RASIP1: variants seen among roughly 807,000 people sequenced by gnomAD.
The protein encoded by RASIP1 is ras-interacting protein 1.
RASIP1 carries 20 observed loss-of-function variants against 85.3 expected under a neutral mutation model. That is an observed-to-expected ratio of 0.23 (90% CI 0.17 to 0.34). The LOEUF is 0.34. RASIP1 is among the 10% of genes least tolerant of loss of function. The pLI is 1.00. For missense variants in RASIP1, 1,170 were observed against 1,390.9 expected, an observed-to-expected ratio of 0.84 and a Z score of 2.53; for synonymous variants, 617 against 647.1, an observed-to-expected ratio of 0.95 and a Z score of 0.71.
At position 48,739,396 on chromosome 19, in the gene RASIP1, C is replaced by A; in HGVS notation, c.387G>T (p.Ala129=). The A allele has an allele frequency of 7.4e-7, 1 of 1,352,042 alleles. No homozygotes were observed. Among genetic ancestry groups the A allele is most frequent in the South Asian group, 1.8e-5 (1 of 56,092 alleles). The allele number at this position is 1,352,042 out of a possible 1,614,324, so 83.8% of individuals were successfully genotyped here. The change falls in exon 3 of 12, where the codon GCG becomes GCT. Residue 129 remains alanine, a synonymous_variant. Transcript: ENST00000222145. This position sits in a 1 kb window ranked among gnomAD's most constrained non-coding sequence, Gnocchi z 9.2. ...CCAGCGGGGGCTCGGGGGCCACGCC[C>A]GCCGCCAGCTCCGGCAGCTTCTTCT... The part of the protein sequence containing the change: ...ASEKKLPELA[A]GVAPEPPLAT...
At chr19:48,726,925 A>G (rs1476827859) in intron 7 of RASIP1, 37 bp from the exon 8 acceptor site, 3 of 1,609,440 alleles carry the variant, frequency 1.9e-6, no homozygotes, top group Non-Finnish European at 8.5e-7. Flanking sequence ...GAGAACCAGA[A>G]GTCGGCAGCC....
chr19:48,738,897 C>T lies in RASIP1; in HGVS notation c.823+63G>A. The T allele has an allele frequency of 8.5e-7, 1 of 1,170,430 alleles. No homozygotes were observed. The highest frequency in any genetic ancestry group is 3.6e-5 in the East Asian group (1 of 27,444). 72.5% of individuals were successfully genotyped at this position (1,170,430 alleles called of 1,614,324 possible). On this transcript the variant is annotated intron_variant, in intron 3 of 11. Coordinates refer to ENST00000222145, the MANE Select transcript of RASIP1 (RefSeq NM_017805.3). This position sits in a 1 kb window ranked among gnomAD's most constrained non-coding sequence, Gnocchi z 4.0. ...AGTCCCACAAGCCCCGCCCAGGCCC[C>T]GCCCCACGGACCCCGCCTCTCTGGC...
Position 48,740,403 on chromosome 19 carries a change from A to G in RASIP1, c.-4-117T>C. 1 of 1,422,972 alleles carries G rather than the reference A, an allele frequency of 7.0e-7. No homozygotes were observed. Among genetic ancestry groups the G allele is most frequent in the Non-Finnish European group, 9.3e-7 (1 of 1,078,154 alleles). The allele number at this position is 1,422,972 out of a possible 1,614,324, so 88.1% of individuals were successfully genotyped here. ...GGCTGGGGCTCAGACTTGCGAGTCCAGGGGGAGGAGAGGGATGGTACCCTG... is the reference window on the plus strand; with the variant it reads ...GGCTGGGGCTCAGACTTGCGAGTCCGGGGGGAGGAGAGGGATGGTACCCTG... On this transcript the variant is annotated intron_variant, in intron 1 of 11. Coordinates refer to ENST00000222145, the MANE Select transcript of RASIP1 (RefSeq NM_017805.3). This position sits in a 1 kb window ranked among gnomAD's most constrained non-coding sequence, Gnocchi z 5.5.
Position 48,738,801 on chromosome 19 carries a change from TA to T in RASIP1, c.823+158del. On this transcript the variant is annotated intron_variant, in intron 3 of 11. Transcript: ENST00000222145. This position sits in a 1 kb window ranked among gnomAD's most constrained non-coding sequence, Gnocchi z 4.0. ...CCCCCGGCCCTGCTCTAGCTCTGCC[TA>T]GAGTCCAACACGCACCGTCCAGTCC... 1 of 946,184 alleles carries T rather than the reference TA, an allele frequency of 1.1e-6. No individual in the cohort carries two copies. Among genetic ancestry groups the T allele is most frequent in the Non-Finnish European group, 1.3e-6 (1 of 743,512 alleles). 58.6% of individuals were successfully genotyped at this position (946,184 alleles called of 1,614,324 possible).
At chr19:48,736,868 T>C (rs1194904513) in intron 3 of RASIP1, among the ~76,000 whole-genome samples, 1 of 152,018 alleles carries the variant, frequency 6.6e-6, no homozygotes, top group Non-Finnish European at 1.5e-5. Context: ...AACCCCCATC[T>C]CTACTCAAAA....
In RASIP1 at chr19:48,728,947, T is replaced by C; in HGVS notation, c.1823A>G (p.Glu608Gly). 1 of 1,450,338 alleles carries C rather than the reference T, an allele frequency of 6.9e-7. No homozygotes were observed. The highest frequency in any genetic ancestry group is 9.0e-7 in the Non-Finnish European group (1 of 1,112,154). 89.8% of individuals were successfully genotyped at this position (1,450,338 alleles called of 1,614,324 possible). A position where few individuals can be genotyped will look rare whatever the true frequency, so the allele number is the denominator to read the frequency against. Reference protein sequence around the residue: ...LLGRLARLIKEAVWEKIKEIG... With the variant: ...LLGRLARLIKGAVWEKIKEIG... The stretch of plus-strand genomic sequence containing the variant: ...TTGGGGGGCGCTCACCCAGACGGCC[T>C]CCTTGATGAGCCGGGCCAGGCGGCC... The change falls in exon 5 of 12, where the codon GAG becomes GGG. Residue 608 changes from glutamate to glycine, a missense_variant. Physicochemically the swap from Glu to Gly is moderately conservative, Grantham distance 98 (BLOSUM62 -2). This residue lies in a region of RASIP1 where 426 missense variants were observed against 576.2 expected (regional missense o/e 0.74). Transcript: ENST00000222145.
In RASIP1 at chr19:48,728,929, G is replaced by T; in HGVS notation, c.1833+8C>A. On this transcript the variant is annotated splice_region_variant and intron_variant, in intron 5 of 11. Transcript: ENST00000222145. ...GGTGGGGCTGGACGGCGATTGGGGG[G>T]CGCTCACCCAGACGGCCTCCTTGAT... The T allele has an allele frequency of 6.9e-7, 1 of 1,439,810 alleles. No individual in the cohort carries two copies. Among genetic ancestry groups the T allele is most frequent in the Non-Finnish European group, 9.0e-7 (1 of 1,107,192 alleles). 89.2% of individuals were successfully genotyped at this position (1,439,810 alleles called of 1,614,324 possible).
Position 48,737,546 on chromosome 19 carries a change from A to C in RASIP1, c.823+1414T>G, listed in dbSNP as rs868698955. 4.0e-5 allele frequency: 39 copies of C among 985,120 alleles called. No homozygotes were observed. The African/African-American group carries it at 5.6e-4, about 14-fold the overall frequency. 61.0% of individuals were successfully genotyped at this position (985,120 alleles called of 1,614,324 possible). A position where few individuals can be genotyped will look rare whatever the true frequency, so the allele number is the denominator to read the frequency against. ...TCCCACTTGGCAGCCAACCCAGCCTAAGGCCGTCTTATCCAAGGCCGGCCC... is the reference window on the plus strand; with the variant it reads ...TCCCACTTGGCAGCCAACCCAGCCTCAGGCCGTCTTATCCAAGGCCGGCCC... On this transcript the variant is annotated intron_variant, in intron 3 of 11. Coordinates refer to ENST00000222145, the MANE Select transcript of RASIP1 (RefSeq NM_017805.3).
rs2033313301 is a variant in RASIP1 at position 48,724,808 on chromosome 19, C to G, written c.2280G>C (p.Gln760His). The change falls in exon 9 of 12, where the codon CAG (glutamine) becomes CAC (histidine). Residue 760 changes from glutamine to histidine, a missense_variant. Gln to His is a conservative substitution (Grantham distance 24). This residue lies in a region of RASIP1 where 426 missense variants were observed against 576.2 expected (regional missense o/e 0.74). Coordinates refer to ENST00000222145, the MANE Select transcript of RASIP1 (RefSeq NM_017805.3). The surrounding 1 kb of genome is among the most constrained non-coding windows in gnomAD (Gnocchi z 4.6). ...ACACGAGGTCAGGGTGCAGCTCGCA[C>G]TGGCTGGTCAGCTCCAAGGCTGCCT... The part of the protein sequence containing the change: ...VFQAALELTS[Q>H]CELHPDLVSQ... 1.2e-6 allele frequency: 2 copies of G among 1,614,242 alleles called. No individual in the cohort carries two copies. The highest frequency in any genetic ancestry group is 1.7e-6 in the Non-Finnish European group (2 of 1,180,048).
Position 48,721,948 on chromosome 19 carries a change from C to A in RASIP1, c.2598G>T (p.Leu866=). Reference sequence around the variant, plus strand: ...GCTGATAGTGGCTGAGCAGATGGTGCAGCTGGGCGGGGGTCAAGGTGGGGT... The same window carrying A: ...GCTGATAGTGGCTGAGCAGATGGTGAAGCTGGGCGGGGGTCAAGGTGGGGT... ...TDHPTLTPAQ[L]HHLLSHYQLG... Residue 866 remains leucine (L), a synonymous_variant, in exon 11 of 12, where the codon CTG becomes CTT. Coordinates refer to ENST00000222145, the MANE Select transcript of RASIP1 (RefSeq NM_017805.3). 6.4e-7 allele frequency: 1 copy of A among 1,561,744 alleles called. No homozygotes were observed. The highest frequency in any genetic ancestry group is 8.7e-7 in the Non-Finnish European group (1 of 1,151,928).
Position 48,739,436 on chromosome 19 carries a change from T to G in RASIP1, c.347A>C (p.Gln116Pro). The change falls in exon 3 of 12, where the codon CAG (glutamine) becomes CCG (proline). Residue 116 changes from glutamine (Q) to proline (P), a missense_variant. Physicochemically the swap from Gln to Pro is moderately conservative, Grantham distance 76. Transcript: ENST00000222145. The surrounding 1 kb of genome is among the most constrained non-coding windows in gnomAD (Gnocchi z 9.2). ...CAGCTTCTTCTCGCTGGCCCAGCGCTGCGCGCCCCCCGGGGTCCCAGGGCC... is the reference window on the plus strand; with the variant it reads ...CAGCTTCTTCTCGCTGGCCCAGCGCGGCGCGCCCCCCGGGGTCCCAGGGCC... ...AGGPGTPGGA[Q>P]RWASEKKLPE... The G allele has an allele frequency of 6.9e-7, 1 of 1,446,822 alleles. No individual in the cohort carries two copies. The highest frequency in any genetic ancestry group is 9.0e-7 in the Non-Finnish European group (1 of 1,105,672). The allele number at this position is 1,446,822 out of a possible 1,614,324, so 89.6% of individuals were successfully genotyped here.
At chr19:48,725,152 T>C (rs567660832) in intron 8 of RASIP1, 192 bp from the exon 9 acceptor site, 1 of 622,252 alleles carries the variant, frequency 1.6e-6, no homozygotes, top group South Asian at 2.1e-5. Flanking sequence ...GTTTCTCGAG[T>C]ATTTTAAGAT....
At position 48,724,256 on chromosome 19, in the gene RASIP1, C is replaced by T. The variant is rs1253904200; in HGVS notation, c.2544+81G>A. On this transcript the variant is annotated intron_variant, in intron 10 of 11. Coordinates refer to ENST00000222145, the MANE Select transcript of RASIP1 (RefSeq NM_017805.3). The surrounding 1 kb of genome is among the most constrained non-coding windows in gnomAD (Gnocchi z 4.6). ...GCATGGGGTTCAAGGGGAGCTCTGA[C>T]GGTGAGCTGAATATAGAAGGTGGCT... 2.1e-6 allele frequency: 3 copies of T among 1,453,840 alleles called. No homozygotes were observed. Among genetic ancestry groups the T allele is most frequent in the East Asian group, 2.3e-5 (1 of 43,478 alleles). The allele number at this position is 1,453,840 out of a possible 1,614,324, so 90.1% of individuals were successfully genotyped here. A position where few individuals can be genotyped will look rare whatever the true frequency, so the allele number is the denominator to read the frequency against.
chr19:48,733,017 C>T (rs1420677087), intron 4 of RASIP1, among the ~76,000 whole-genome samples: 5 of 152,168 alleles, frequency 3.3e-5, no homozygotes, highest in African/African-American at 4.8e-5. Context: ...ATAATTCACC[C>T]GATCACTGCA....
In RASIP1 at chr19:48,738,947, G is replaced by A; in HGVS notation, c.823+13C>T. 1 of 902,066 alleles carries A rather than the reference G, an allele frequency of 1.1e-6. No homozygotes were observed. Among genetic ancestry groups the A allele is most frequent in the South Asian group, 5.3e-5 (1 of 18,854 alleles). The allele number at this position is 902,066 out of a possible 1,614,324, so 55.9% of individuals were successfully genotyped here. A position where few individuals can be genotyped will look rare whatever the true frequency, so the allele number is the denominator to read the frequency against. On this transcript the variant is annotated intron_variant, in intron 3 of 11. Coordinates refer to ENST00000222145, the MANE Select transcript of RASIP1 (RefSeq NM_017805.3). This position sits in a 1 kb window ranked among gnomAD's most constrained non-coding sequence, Gnocchi z 4.0. The stretch of plus-strand genomic sequence containing the variant: ...CACCGAGTCCCCGCCCCAGAGCCCC[G>A]CCCGCCGCTCACCTTCGCTGTCCGC...
rs1399723574 is a variant in RASIP1 at position 48,740,393 on chromosome 19, T to C, written c.-4-107A>G. On this transcript the variant is annotated intron_variant, in intron 1 of 11. Transcript: ENST00000222145. The surrounding 1 kb of genome is among the most constrained non-coding windows in gnomAD (Gnocchi z 5.5). ...GGGAGGAGGGGGCTGGGGCTCAGACTTGCGAGTCCAGGGGGAGGAGAGGGA... is the reference window on the plus strand; with the variant it reads ...GGGAGGAGGGGGCTGGGGCTCAGACCTGCGAGTCCAGGGGGAGGAGAGGGA... 9.0e-6 allele frequency: 13 copies of C among 1,446,292 alleles called. No homozygotes were observed. Among genetic ancestry groups the C allele is most frequent in the Non-Finnish European group, 1.0e-5 (11 of 1,089,804 alleles). The allele number at this position is 1,446,292 out of a possible 1,614,324, so 89.6% of individuals were successfully genotyped here.
Position 48,720,995 on chromosome 19 carries a change from C to A in RASIP1, c.2695G>T (p.Asp899Tyr), listed in dbSNP as rs1446175729. 6.3e-7 allele frequency: 1 copy of A among 1,596,484 alleles called. No individual in the cohort carries two copies. ...PAEREAVDTG[D>Y]IFESFSSHPP... ...TGCGAGGAGAAGCTTTCGAAGATGT[C>A]CCCTGTGAGGCCGAAGGCGGCGCGG... is the stretch of plus-strand genomic sequence containing the variant. The change falls in exon 12 of 12, where the codon GAC becomes TAC. Residue 899 changes from aspartate (D) to tyrosine (Y), a missense_variant and splice_region_variant. By Grantham distance (160) the Asp-to-Tyr change is radical. This residue lies in a region of RASIP1 where 144 missense variants were observed against 125.5 expected (regional missense o/e 1.15). Transcript: ENST00000222145.
intron 4 of RASIP1, among the ~76,000 whole-genome samples, chr19:48,732,048 CTTTTTTTTTTAATCTCT>C (rs1568480295): frequency 6.8e-6 from 1 of 146,248 alleles, no homozygotes; most frequent in African/African-American, 2.5e-5. Context: ...CAAATGAAAC[CTTTTTTTTTTAATCTCT>C]TTTTTTTTTT....
In RASIP1 at chr19:48,739,621, G is replaced by C; in HGVS notation, c.162C>G (p.Ser54Arg). ...SVKSSSSDTG[S>R]RSSEPLPPPP... Reference sequence around the variant, plus strand: ...GCGGAGGTAGCGGCTCGCTGCTGCGGCTCCCCGTGTCCGACGAAGAAGACC... The same window carrying C: ...GCGGAGGTAGCGGCTCGCTGCTGCGCCTCCCCGTGTCCGACGAAGAAGACC... The change falls in exon 3 of 12, where the codon AGC becomes AGG. Residue 54 changes from serine to arginine, a missense_variant. Ser to Arg is a moderately radical substitution (Grantham distance 110, BLOSUM62 -1). This residue lies in a region of RASIP1 where 299 missense variants were observed against 394.4 expected (regional missense o/e 0.76). Transcript: ENST00000222145. This position sits in a 1 kb window ranked among gnomAD's most constrained non-coding sequence, Gnocchi z 9.2. The C allele has an allele frequency of 6.9e-7, 1 of 1,443,234 alleles. No individual in the cohort carries two copies. Among genetic ancestry groups the C allele is most frequent in the Non-Finnish European group, 9.1e-7 (1 of 1,097,628 alleles). 89.4% of individuals were successfully genotyped at this position (1,443,234 alleles called of 1,614,324 possible).
Sources: allele counts gnomAD v4.1 joint callset (sites outside exome capture counted in the v4.1 genomes callset), GRCh38; gene constraint gnomAD v4.1.1; regional missense constraint gnomAD v4.1.1; non-coding constraint Gnocchi (gnomAD v3.1); transcripts MANE v1.5; gene names NCBI Gene and HGNC (gene_info 2026-07-23, HGNC 2026-07-21).